The following DMD variants were observed in gnomAD, a reference collection of about 807,000 sequenced individuals.
DMD encodes dystrophin, also known as mutant dystrophin.
In DMD, 63 loss-of-function variants were observed where a neutral mutation model predicts 330.1. The ratio of observed to expected loss-of-function variants is 0.19; its 90% CI spans 0.16 to 0.24. The LOEUF is 0.24. DMD is among the 10% of genes least tolerant of loss of function. The probability of loss-of-function intolerance (pLI) is 1.00; values close to 1 mark genes in which losing one functional copy is unlikely to be tolerated. For missense variants in DMD, 3,344 were observed against 2,684.1 expected (o/e 1.25, Z -5.43); for synonymous variants, 1,223 against 959.8 (o/e 1.27, Z -5.07).
At chrX:32,250,974 A>C (rs940199313) in intron 43 of DMD, among the ~76,000 whole-genome samples, 11 of 109,818 alleles carry the variant, frequency 1.0e-4, no homozygotes, top group Non-Finnish European at 1.7e-4. Flanking sequence ...ACTCACTCGT[A>C]AGTGGGAGTG....
intron 1 of DMD, among the ~76,000 whole-genome samples, chrX:33,207,139 A>G (rs781609307): frequency 8.1e-5 from 9 of 111,622 alleles, no homozygotes; most frequent in Non-Finnish European, 1.3e-4. Flanking sequence ...GCTGCCTATC[A>G]GAATTGTGCT....
In DMD at chrX:31,119,444, C is replaced by CATGTG. The variant is rs1311936221; in HGVS notation, c.*2470_*2474dup. 2.7e-5 allele frequency: 3 copies of CATGTG among 112,086 alleles called. No individual in the cohort carries two copies. Among genetic ancestry groups the CATGTG allele is most frequent in the African/African-American group, 9.7e-5 (3 of 30,838 alleles). 9.2% of individuals were successfully genotyped at this position (112,086 alleles called of 1,213,427 possible). A position where few individuals can be genotyped will look rare whatever the true frequency, so the allele number is the denominator to read the frequency against. ...ACCTGAAAACAATGACAAAACATGC[C>CATGTG]ATGTGATGTTTATGCTTCAGTTACA... is the stretch of plus-strand genomic sequence containing the variant. On this transcript the variant is annotated 3_prime_UTR_variant, in exon 79 of 79. Transcript: ENST00000357033.
At chrX:33,077,488 C>T (rs6527257) in intron 1 of DMD, among the ~76,000 whole-genome samples, 1,246 of 111,273 alleles carry the variant, frequency 0.011, 21 homozygotes, top group African/African-American at 0.039. Flanking sequence ...AAAAGGCCGT[C>T]GATCGCTCTG....
At position 32,485,050 on chromosome X, in the gene DMD, T is replaced by C; in HGVS notation, c.2672A>G (p.Lys891Arg). Residue 891 changes from lysine to arginine, a missense_variant, in exon 21 of 79, where the codon AAA becomes AGA. Transcript: ENST00000357033. ...CTCTTTCAGGGCTATGCTTTGAATT[T>C]TTAATCGTTCAATTTGAGGTTGAAG... ...SDLQPQIERLKIQSIALKEKG... is the reference protein window; with the variant it reads ...SDLQPQIERLRIQSIALKEKG... The C allele has an allele frequency of 3.3e-6, 4 of 1,211,664 alleles. No homozygotes were observed. Among genetic ancestry groups the C allele is most frequent in the Non-Finnish European group, 4.5e-6 (4 of 895,330 alleles).
intron 74 of DMD, among the ~76,000 whole-genome samples, chrX:31,162,684 C>T (rs1409335982): frequency 9.0e-6 from 1 of 111,028 alleles, no homozygotes; most frequent in Non-Finnish European, 1.9e-5. Context: ...ATGCTGTCTC[C>T]TCCTAAAAAA....
At chrX:33,064,895 A>T (rs915718718) in intron 1 of DMD, among the ~76,000 whole-genome samples, 3 of 111,175 alleles carry the variant, frequency 2.7e-5, no homozygotes, top group Non-Finnish European at 5.6e-5. Context: ...TCTCAGAAAA[A>T]AATAATAATA....
intron 60 of DMD, among the ~76,000 whole-genome samples, chrX:31,365,094 C>CAAAAAAA (rs35244488): frequency 2.3e-5 from 1 of 44,145 alleles, no homozygotes; most frequent in Non-Finnish European, 4.0e-5. Flanking sequence ...GACCCCATCT[C>CAAAAAAA]AAAAAAAAAA....
At chrX:31,477,993 C>A in intron 59 of DMD, 113 bp downstream of exon 59, 1 of 844,090 alleles carries the variant, frequency 1.2e-6, no homozygotes. Context: ...TTGTGAAAGA[C>A]GGACTGATTT....
At chrX:31,614,412 T>C (rs775687222) in intron 55 of DMD, among the ~76,000 whole-genome samples, 1 of 112,074 alleles carries the variant, frequency 8.9e-6, no homozygotes, top group South Asian at 3.7e-4. Flanking sequence ...AAAAGTAAAA[T>C]CTTTAGAGAA....
In DMD at chrX:33,026,759, ATTTC is replaced by A. The variant is rs773087702; in HGVS notation, c.32-6563_32-6560del. ...CAGAAAAGCTGTTCATGTCAAAGAT[ATTTC>A]TTTATTTCCCATTCGCTTTACAGTC... On this transcript the variant is annotated intron_variant, in intron 1 of 78. Transcript: ENST00000357033. Among the ~76,000 whole-genome samples the A allele has an allele frequency of 3.6e-5, 4 of 111,803 alleles. No individual in the cohort carries two copies. In the South Asian group the frequency reaches 1.1e-3, roughly 32 times the overall value.
chrX:33,104,065 G>A (rs910638133), intron 1 of DMD, among the ~76,000 whole-genome samples: 1 of 111,500 alleles, frequency 9.0e-6, no homozygotes, highest in Non-Finnish European at 1.9e-5. Flanking sequence ...AAAATTGATA[G>A]TGCTCATTAG....
At chrX:32,649,123 T>G (rs1327560502) in intron 9 of DMD, among the ~76,000 whole-genome samples, 2 of 110,611 alleles carry the variant, frequency 1.8e-5, no homozygotes, top group Admixed American at 9.7e-5. Context: ...TTTTTGTTTT[T>G]TTTTTTTCCC....
At chrX:32,073,800 T>C (rs1202903034) in intron 44 of DMD, among the ~76,000 whole-genome samples, 6 of 111,741 alleles carry the variant, frequency 5.4e-5, no homozygotes, top group Non-Finnish European at 1.9e-5. Context: ...TTTAAACATA[T>C]TTTTACATCT....
intron 44 of DMD, among the ~76,000 whole-genome samples, chrX:32,171,789 G>A (rs956177839): frequency 2.7e-5 from 3 of 111,128 alleles, no homozygotes; most frequent in East Asian, 5.7e-4. Context: ...TTCAGAATTC[G>A]TTTTTATCAT....
chrX:32,741,507 A>G (rs765870409), intron 7 of DMD, among the ~76,000 whole-genome samples: 4 of 111,900 alleles, frequency 3.6e-5, no homozygotes, highest in African/African-American at 6.5e-5. Flanking sequence ...CCATGAGTCC[A>G]TAAGACGATC....
In DMD at chrX:32,389,926, C is replaced by A. The variant is rs1430471167; in HGVS notation, c.4344+145G>T. 6 of 544,141 alleles carry A rather than the reference C, an allele frequency of 1.1e-5. 1 individual carries two copies. Among genetic ancestry groups the A allele is most frequent in the Non-Finnish European group, 1.8e-5 (6 of 325,867 alleles). The allele number at this position is 544,141 out of a possible 1,213,427, so 44.8% of individuals were successfully genotyped here. A position where few individuals can be genotyped will look rare whatever the true frequency, so the allele number is the denominator to read the frequency against. The stretch of plus-strand genomic sequence containing the variant: ...TATTTTATCTTTAAAATGTAGAGAG[C>A]AAAACACTCATTGTTTAGACATCAA... On this transcript the variant is annotated intron_variant, in intron 31 of 78. Coordinates refer to ENST00000357033, the MANE Select transcript of DMD (RefSeq NM_004006.3).
chrX:32,881,325 G>A (rs958039263), intron 2 of DMD, among the ~76,000 whole-genome samples: 13 of 112,490 alleles, frequency 1.2e-4, no homozygotes, highest in African/African-American at 4.2e-4. Flanking sequence ...ATTCTGAACT[G>A]GTTTCTTTCT....
At chrX:31,132,803 T>A (rs1465743251) in intron 77 of DMD, among the ~76,000 whole-genome samples, 4 of 109,848 alleles carry the variant, frequency 3.6e-5, no homozygotes, top group Admixed American at 2.9e-4. Flanking sequence ...ATCTTCTCAT[T>A]ATGAATTATG....
At position 31,932,208 on chromosome X, in the gene DMD, T is replaced by C. The variant is rs766648368; in HGVS notation, c.6634A>G (p.Ile2212Val). Residue 2212 changes from isoleucine to valine, a missense_variant, in exon 46 of 79, where the codon ATC becomes GTC. Physicochemically the swap from Ile to Val is conservative, Grantham distance 29 (BLOSUM62 3). Coordinates refer to ENST00000357033, the MANE Select transcript of DMD (RefSeq NM_004006.3). Reference protein sequence around the residue: ...RKKRLEEQKNILSEFQRDLNE... With the variant: ...RKKRLEEQKNVLSEFQRDLNE... ...AAATCTCTTTGAAATTCTGACAAGA[T>C]ATTCTTTTGTTCTTCTAGCCTGGAG... 18 of 1,188,474 alleles carry C rather than the reference T, an allele frequency of 1.5e-5. No individual in the cohort carries two copies. The highest frequency in any genetic ancestry group is 2.1e-5 in the Non-Finnish European group (18 of 874,580).
Sources: allele counts gnomAD v4.1 joint callset (sites outside exome capture counted in the v4.1 genomes callset), GRCh38; gene constraint gnomAD v4.1.1; transcripts MANE v1.5; gene names NCBI Gene and HGNC (gene_info 2026-07-23, HGNC 2026-07-21).